MYLK4: variants seen among roughly 807,000 people sequenced by gnomAD.
MYLK4 encodes the protein myosin light chain kinase family member 4.
A neutral mutation model predicts 48.1 loss-of-function variants in MYLK4; 46 were observed. That is an observed-to-expected ratio of 0.96 (90% CI 0.75 to 1.22). The LOEUF (loss-of-function observed/expected upper bound fraction) is 1.22, where lower values mean the gene tolerates loss of function less well. Among genes scored for constraint, MYLK4 ranks in the 50% most tolerant of loss-of-function variants. The pLI is 0.00. For missense variants in MYLK4, 451 were observed against 486.1 expected (o/e 0.93, Z 0.68); for synonymous variants, 170 against 180.8 (o/e 0.94, Z 0.48).
At chr6:2,726,599 T>C (rs1763282213) in intron 2 of MYLK4, among the ~76,000 whole-genome samples, 1 of 125,162 alleles carries the variant, frequency 8.0e-6, no homozygotes, top group South Asian at 2.7e-4. Context: ...GTGTGCCTAC[T>C]ATACAATTTT....
chr6:2,681,849 A>T (rs1761316861), intron 7 of MYLK4, among the ~76,000 whole-genome samples: 1 of 152,236 alleles, frequency 6.6e-6, no homozygotes. Flanking sequence ...GACTTACAAT[A>T]GGTTTGCTCC....
chr6:2,699,282 C>CTTTTTTTTTTTTTTTTTTTTTT (rs1762184790), intron 2 of MYLK4, among the ~76,000 whole-genome samples: 2 of 63,584 alleles, frequency 3.1e-5, no homozygotes, highest in African/African-American at 1.2e-4. Flanking sequence ...CTTTTCTTTT[C>CTTTTTTTTTTTTTTTTTTTTTT]TTTTCTTTTT....
chr6:2,666,286 G>T lies in MYLK4; in HGVS notation c.*1639C>A, dbSNP rs1427378696. The T allele has an allele frequency of 1.3e-5, 2 of 152,200 alleles. No homozygotes were observed. The highest frequency in any genetic ancestry group is 2.9e-5 in the Non-Finnish European group (2 of 68,048). 9.4% of individuals were successfully genotyped at this position (152,200 alleles called of 1,614,324 possible). A position where few individuals can be genotyped will look rare whatever the true frequency, so the allele number is the denominator to read the frequency against. ...CTGCCATCCCTCATGAGGCCACCAA[G>T]TAATTCTTATGCCTTTCATTGCTAT... On this transcript the variant is annotated 3_prime_UTR_variant, in exon 13 of 13. Coordinates refer to ENST00000274643, the MANE Select transcript of MYLK4 (RefSeq NM_001012418.5).
chr6:2,679,047 G>C (rs1182933537), intron 9 of MYLK4, among the ~76,000 whole-genome samples: 2 of 152,262 alleles, frequency 1.3e-5, no homozygotes, highest in East Asian at 1.9e-4. Context: ...TTGTGTCCTA[G>C]GAGTTAAAGT....
At chr6:2,729,370 C>T (rs6938004) in intron 2 of MYLK4, among the ~76,000 whole-genome samples, 82,034 of 152,024 alleles carry the variant, frequency 0.54, 22,512 homozygotes, top group Non-Finnish European at 0.58. Context: ...TGGCAGGAGA[C>T]GAGGATGCCA....
intron 9 of MYLK4, among the ~76,000 whole-genome samples, 183 bp from the exon 10 acceptor site, chr6:2,678,555 C>T (rs530769397): frequency 1.9e-4 from 29 of 152,240 alleles, no homozygotes; most frequent in African/African-American, 6.7e-4. Context: ...CAACTCCTAA[C>T]TGAACAACTG....
chr6:2,742,720 G>A, intron 2 of MYLK4, among the ~76,000 whole-genome samples: 1 of 120,658 alleles, frequency 8.3e-6, no homozygotes, highest in Non-Finnish European at 1.7e-5. Context: ...GACTGTTGTG[G>A]GGTGGGGGGA....
At chr6:2,723,334 A>T (rs1763137901) in intron 2 of MYLK4, among the ~76,000 whole-genome samples, 1 of 152,236 alleles carries the variant, frequency 6.6e-6, no homozygotes, top group South Asian at 2.1e-4. Flanking sequence ...GCTGATAATT[A>T]TTAAGATAAT....
chr6:2,715,738 C>T (rs1762843262), intron 2 of MYLK4, among the ~76,000 whole-genome samples: 1 of 152,210 alleles, frequency 6.6e-6, no homozygotes. Flanking sequence ...TTCATGAATG[C>T]AGAAATTCTT....
At chr6:2,762,169 C>T in the MYLK4 span, among the ~76,000 whole-genome samples, 2 of 152,188 alleles carry the variant, frequency 1.3e-5, no homozygotes, top group Non-Finnish European at 2.9e-5. Flanking sequence ...CTCAGCCTCC[C>T]AAACTGCTGG....
chr6:2,685,521 C>A lies in MYLK4; in HGVS notation c.397G>T (p.Ala133Ser), dbSNP rs749392555. 4.3e-6 allele frequency: 7 copies of A among 1,614,142 alleles called. 1 individual carries two copies. The Admixed American group carries it at 8.3e-5, about 19-fold the overall frequency. ...CEETATGLKL[A>S]AKIIKTRGMK... The stretch of plus-strand genomic sequence containing the variant: ...CCTCTGGTCTTGATGATTTTGGCTG[C>A]CAGCTTCAGACCTGTGGCCGTCTCC... The change falls in exon 5 of 13, where the codon GCA becomes TCA. Residue 133 changes from alanine (A) to serine (S), a missense_variant. Physicochemically the swap from Ala to Ser is moderately conservative, Grantham distance 99 (BLOSUM62 1). Coordinates refer to ENST00000274643, the MANE Select transcript of MYLK4 (RefSeq NM_001012418.5). This position sits in a 1 kb window ranked among gnomAD's most constrained non-coding sequence, Gnocchi z 4.5.
chr6:2,674,927 G>T, intron 11 of MYLK4, 120 bp downstream of exon 11: 2 of 823,796 alleles, frequency 2.4e-6, no homozygotes, highest in Non-Finnish European at 4.0e-6. Context: ...CACAAGATTT[G>T]CAGTCTGTGA....
At chr6:2,770,003 T>C in the MYLK4 span, 1 of 1,437,880 alleles carries the variant, frequency 7.0e-7, no homozygotes, top group South Asian at 1.3e-5. Flanking sequence ...CTGCTGCTAT[T>C]CCTGAACTCG....
At chr6:2,694,069 T>G (rs1264678513) in intron 2 of MYLK4, among the ~76,000 whole-genome samples, 7 of 152,190 alleles carry the variant, frequency 4.6e-5, no homozygotes, top group African/African-American at 1.7e-4. Flanking sequence ...GCAAATGTGC[T>G]TTTACACAAT....
chr6:2,710,286 T>C (rs767890384), intron 2 of MYLK4, among the ~76,000 whole-genome samples: 20 of 152,186 alleles, frequency 1.3e-4, no homozygotes, highest in Admixed American at 2.0e-4. Context: ...CCTTAGGAGA[T>C]TGAAATAGGC....
At chr6:2,748,612 T>C (rs1764181223) in intron 2 of MYLK4, among the ~76,000 whole-genome samples, 1 of 152,224 alleles carries the variant, frequency 6.6e-6, no homozygotes, top group African/African-American at 2.4e-5. Context: ...GTTAAATTAA[T>C]ATTTTTCCCA....
chr6:2,670,488 T>C (rs1211153096), intron 12 of MYLK4, among the ~76,000 whole-genome samples: 1 of 152,128 alleles, frequency 6.6e-6, no homozygotes, highest in Non-Finnish European at 1.5e-5. Flanking sequence ...CACCCAAGAT[T>C]AGGGAGCTGA....
the MYLK4 span, among the ~76,000 whole-genome samples, chr6:2,769,570 AC>A: frequency 6.6e-5 from 10 of 152,066 alleles, no homozygotes; most frequent in African/African-American, 2.4e-4. Context: ...CCTTTTTTGA[AC>A]CTTTTTGAAT....
intron 3 of MYLK4, among the ~76,000 whole-genome samples, chr6:2,689,167 T>C (rs77838319): frequency 0.013 from 2,050 of 152,040 alleles, 45 homozygotes; most frequent in African/African-American, 0.047. Context: ...TGAGAAAGAG[T>C]GTCAGGGCGG....
Sources: gnomAD v4.1 joint callset for allele counts (sites outside exome capture counted in the v4.1 genomes callset) on GRCh38, gnomAD v4.1.1 for gene constraint, Gnocchi (gnomAD v3.1) non-coding constraint, MANE v1.5 for transcripts, NCBI Gene and HGNC (gene_info 2026-07-23, HGNC 2026-07-21) for gene names.